The following PCDHGA3 variants were observed in gnomAD, a reference collection of about 807,000 sequenced individuals.
PCDHGA3 encodes protocadherin gamma subfamily A, 3.
In PCDHGA3, 40 loss-of-function variants were observed where a neutral mutation model predicts 58.5. That is an observed-to-expected ratio of 0.68 (90% confidence interval 0.53 to 0.89). PCDHGA3 has a LOEUF of 0.89. Ranked by LOEUF, PCDHGA3 falls within the 40% of genes least tolerant of loss-of-function variation. The pLI, the probability that PCDHGA3 is intolerant of heterozygous loss-of-function variation, is 0.00. For synonymous variants in PCDHGA3, 530 were observed against 525.7 expected (o/e 1.01, Z -0.11); for missense variants, 1,223 against 1,195.9 (o/e 1.02, Z -0.33).
chr5:141,366,410 G>A, intron 1 of PCDHGA3: 1 of 1,614,204 alleles, frequency 6.2e-7, no homozygotes, highest in Non-Finnish European at 8.5e-7. Context: ...ACTCTATCTT[G>A]TGGTGGCAGT....
intron 1 of PCDHGA3, chr5:141,360,796 C>T (rs1267139317): frequency 6.2e-7 from 1 of 1,613,950 alleles, no homozygotes; most frequent in Admixed American, 1.7e-5. Context: ...CGGAGACCCA[C>T]CTCAAAGTGG....
chr5:141,415,860 A>G (rs2095965840), intron 1 of PCDHGA3: 3 of 1,175,636 alleles, frequency 2.6e-6, no homozygotes, highest in Middle Eastern at 3.1e-4. Context: ...CTTGTAGTTT[A>G]TAGTGTTGTT....
intron 1 of PCDHGA3, chr5:141,392,765 C>T (rs952463522): frequency 2.7e-6 from 4 of 1,482,974 alleles, no homozygotes; most frequent in Admixed American, 5.1e-5. Flanking sequence ...TAAATAAGAC[C>T]CATTTATGCA....
chr5:141,371,567 C>T (rs1767853623), intron 1 of PCDHGA3: 4 of 1,613,906 alleles, frequency 2.5e-6, no homozygotes, highest in Non-Finnish European at 3.4e-6. Flanking sequence ...GAAACTTCCC[C>T]TTTAAAATCG....
Position 141,495,452 on chromosome 5 carries a change from CTCTG to C in PCDHGA3, c.2483+593_2483+596del, listed in dbSNP as rs550877100. ...GTCCTCTGCCCCTACTTGTCCTGCTCTCTGTCTGTGGGGTCTCCGTGTCTCTGCC... is the reference window on the plus strand; with the variant it reads ...GTCCTCTGCCCCTACTTGTCCTGCTCTCTGTGGGGTCTCCGTGTCTCTGCC... On this transcript the variant is annotated intron_variant, in intron 2 of 3. Coordinates refer to ENST00000253812, the MANE Select transcript of PCDHGA3 (RefSeq NM_018916.4). 5.6e-4 allele frequency among the ~76,000 whole-genome samples: 85 copies of C among 152,356 alleles called. 1 individual carries two copies. Among genetic ancestry groups the C allele is most frequent in the Admixed American group, 3.5e-3 (53 of 15,310 alleles).
intron 1 of PCDHGA3, among the ~76,000 whole-genome samples, chr5:141,454,701 C>G (rs1182969868): frequency 6.6e-6 from 1 of 151,760 alleles, no homozygotes; most frequent in Non-Finnish European, 1.5e-5. Context: ...CCACCATGCT[C>G]CACCTGCTTA....
At chr5:141,347,082 TCCTCCTTCCTTCCTTC>T in intron 1 of PCDHGA3, among the ~76,000 whole-genome samples, 6 of 149,660 alleles carry the variant, frequency 4.0e-5, no homozygotes, top group Admixed American at 3.3e-4. Flanking sequence ...TCTCTCTCTT[TCCTCCTTCCTTCCTTC>T]CTCTCTCTCT....
chr5:141,487,348 C>T lies in PCDHGA3; in HGVS notation c.2425-7459C>T, dbSNP rs929693998. ...GTGGGGCAGCCTGTGGAGTCACATG[C>T]TTTCCTGCTGGCACCTGTGCCTGTC... On this transcript the variant is annotated intron_variant, in intron 1 of 3. Coordinates refer to ENST00000253812, the MANE Select transcript of PCDHGA3 (RefSeq NM_018916.4). The surrounding 1 kb of genome is among the most constrained non-coding windows in gnomAD (Gnocchi z 5.0). The T allele has an allele frequency of 2.5e-6, 4 of 1,614,080 alleles. No homozygotes were observed. The highest frequency in any genetic ancestry group is 2.2e-5 in the East Asian group (1 of 44,882).
intron 1 of PCDHGA3, chr5:141,405,414 T>C (rs758249146): frequency 1.1e-4 from 169 of 1,562,196 alleles, no homozygotes; most frequent in Non-Finnish European, 1.5e-4. Context: ...TTTCTTTTTT[T>C]GTTTTTTGTT....
At chr5:141,385,096 G>C (rs746092295) in intron 1 of PCDHGA3, 2 of 1,614,072 alleles carry the variant, frequency 1.2e-6, no homozygotes, top group South Asian at 2.2e-5. Context: ...AGGTGGCTTG[G>C]CGAACGTGCC....
chr5:141,372,417 C>T lies in PCDHGA3; in HGVS notation c.2424+25960C>T, dbSNP rs762705826. 12 of 1,614,062 alleles carry T rather than the reference C, an allele frequency of 7.4e-6. No homozygotes were observed. In the South Asian group the frequency reaches 1.2e-4, roughly 16 times the overall value. ...TAGCTTGCAAGAGATACAACCTGAC[C>T]TTAGCGACCGCCCCACTCCCTCTGA... On this transcript the variant is annotated intron_variant, in intron 1 of 3. Transcript: ENST00000253812.
intron 1 of PCDHGA3, chr5:141,374,203 G>C: frequency 6.2e-7 from 1 of 1,613,926 alleles, no homozygotes; most frequent in East Asian, 2.2e-5. Context: ...AGGAGCTGGA[G>C]AAAGGCTCCT....
At position 141,486,135 on chromosome 5, in the gene PCDHGA3, G is replaced by A. The variant is rs145871538; in HGVS notation, c.2425-8672G>A. ...GAGAATTACTATGAATTTGATGTGC[G>A]GGCTCGCGATGGGGGTTCTCCAGCC... On this transcript the variant is annotated intron_variant, in intron 1 of 3. Transcript: ENST00000253812. This position sits in a 1 kb window ranked among gnomAD's most constrained non-coding sequence, Gnocchi z 5.0. The A allele has an allele frequency of 1.9e-6, 3 of 1,614,168 alleles. No homozygotes were observed. Among genetic ancestry groups the A allele is most frequent in the Non-Finnish European group, 2.5e-6 (3 of 1,180,022 alleles).
chr5:141,504,287 T>C (rs1191226511), intron 2 of PCDHGA3, among the ~76,000 whole-genome samples: 2 of 152,166 alleles, frequency 1.3e-5, no homozygotes, highest in Non-Finnish European at 2.9e-5. Flanking sequence ...AATCATTTCA[T>C]GTTTTTTCAA....
chr5:141,510,420 G>T (rs1275392355), intron 3 of PCDHGA3, among the ~76,000 whole-genome samples: 3 of 152,126 alleles, frequency 2.0e-5, no homozygotes, highest in African/African-American at 7.2e-5. Flanking sequence ...TAAAGCCATG[G>T]TTTCATGGCT....
At chr5:141,357,677 T>G (rs1371752128) in intron 1 of PCDHGA3, 1 of 1,583,726 alleles carries the variant, frequency 6.3e-7, no homozygotes. Context: ...AAGAGTTGTG[T>G]AAATGTCTCT....
chr5:141,471,427 AGT>A (rs1475862025), intron 1 of PCDHGA3: 1 of 152,188 alleles, frequency 6.6e-6, no homozygotes, highest in Non-Finnish European at 1.5e-5. Flanking sequence ...TAGCAAGGAA[AGT>A]GTATAATCTC....
At chr5:141,415,063 G>A (rs569362520) in intron 1 of PCDHGA3, 3 of 1,613,432 alleles carry the variant, frequency 1.9e-6, no homozygotes, top group Admixed American at 1.7e-5. Flanking sequence ...CACGGGCGAG[G>A]TGCGCACGGC....
Position 141,344,208 on chromosome 5 carries a change from C to G in PCDHGA3, c.175C>G (p.Leu59Val). 6.2e-7 allele frequency: 1 copy of G among 1,614,052 alleles called. No homozygotes were observed. Among genetic ancestry groups the G allele is most frequent in the Non-Finnish European group, 8.5e-7 (1 of 1,179,902 alleles). The change falls in exon 1 of 4, where the codon CTG (leucine) becomes GTG (valine). Residue 59 changes from leucine (L) to valine (V), a missense_variant. Physicochemically the swap from Leu to Val is conservative, Grantham distance 32. This residue lies in a region of PCDHGA3 where 791 missense variants were observed against 708.5 expected (regional missense o/e 1.12). Transcript: ENST00000253812. Reference sequence around the variant, plus strand: ...CGACCTGGGGCTAGAGCCCCGGGAGCTGGCGGAGCGCGGAGTCCGCATCGT... The same window carrying G: ...CGACCTGGGGCTAGAGCCCCGGGAGGTGGCGGAGCGCGGAGTCCGCATCGT... ...ANDLGLEPRE[L>V]AERGVRIVSR...
Sources: allele counts gnomAD v4.1 joint callset (sites outside exome capture counted in the v4.1 genomes callset), GRCh38; gene constraint gnomAD v4.1.1; regional missense constraint gnomAD v4.1.1; non-coding constraint Gnocchi (gnomAD v3.1); transcripts MANE v1.5; gene names NCBI Gene and HGNC (gene_info 2026-07-23, HGNC 2026-07-21).